Variants in ANKRD36 observed in about 807,000 individuals in gnomAD.
ANKRD36 encodes ankyrin repeat domain 36.
A neutral mutation model predicts 278.1 loss-of-function variants in ANKRD36; 179 were observed. That is an observed-to-expected ratio of 0.64 (90% confidence interval 0.57 to 0.73). ANKRD36 has a LOEUF of 0.73. Ranked by LOEUF, ANKRD36 falls within the 30% of genes least tolerant of loss-of-function variation. The pLI is 0.00. For missense variants in ANKRD36, 1,159 were observed against 1,956.7 expected (o/e 0.59, Z 7.69); for synonymous variants, 320 against 641.1 (o/e 0.50, Z 7.57).
intron 17 of ANKRD36, among the ~76,000 whole-genome samples, chr2:97,160,936 A>G (rs879106717): frequency 5.3e-5 from 8 of 152,196 alleles, no homozygotes; most frequent in Admixed American, 5.2e-4. Flanking sequence ...GTCTGCATAC[A>G]TTAAGAAAAT....
chr2:97,127,013 A>T, intron 5 of ANKRD36, 54 bp from the exon 6 acceptor site: 1 of 632,144 alleles, frequency 1.6e-6, no homozygotes, highest in Non-Finnish European at 2.6e-6. Context: ...TATATTTGGT[A>T]AATGTTTTTG....
At chr2:97,170,496 AC>A (rs1324957824) in intron 22 of ANKRD36, among the ~76,000 whole-genome samples, 4 of 152,078 alleles carry the variant, frequency 2.6e-5, no homozygotes, top group Admixed American at 2.6e-4. Context: ...AAAACTTTCT[AC>A]ATAGCCATAT....
intron 5 of ANKRD36, among the ~76,000 whole-genome samples, chr2:97,125,060 A>G (rs2038186741): frequency 6.6e-6 from 1 of 151,654 alleles, no homozygotes; most frequent in Admixed American, 6.6e-5. Context: ...CCTAAGTCCA[A>G]GGAAGACAAT....
intron 68 of ANKRD36, among the ~76,000 whole-genome samples, chr2:97,235,396 C>T (rs1406611354): frequency 6.8e-6 from 1 of 145,988 alleles, no homozygotes; most frequent in African/African-American, 2.6e-5. Flanking sequence ...TGTGGGAAAC[C>T]CAGTGTTTGA....
intron 54 of ANKRD36, among the ~76,000 whole-genome samples, chr2:97,208,912 A>G (rs1254830903): frequency 1.2e-4 from 18 of 146,742 alleles, no homozygotes; most frequent in Non-Finnish European, 2.2e-4. Context: ...TGATTTCTGA[A>G]TGAAAAGCTG....
chr2:97,240,912 A>G lies in ANKRD36; in HGVS notation c.4094-354A>G, dbSNP rs1344254408. ...CTCATCCTTCATTTCTCAGTGTAGC[A>G]TCTCTTCCTCAGGGAAATCTTCCCT... On this transcript the variant is annotated intron_variant, in intron 68 of 75. Coordinates refer to ENST00000420699, the MANE Select transcript of ANKRD36 (RefSeq NM_001354587.1). Among the ~76,000 whole-genome samples, 163 of 117,338 alleles carry G rather than the reference A, an allele frequency of 1.4e-3. No homozygotes were observed. The East Asian group carries it at 0.032, about 23-fold the overall frequency. 77.0% of individuals were successfully genotyped at this position (117,338 alleles called of 152,430 possible).
intron 3 of ANKRD36, among the ~76,000 whole-genome samples, 196 bp from the exon 4 acceptor site, chr2:97,122,691 G>T (rs1165877844): frequency 6.6e-6 from 1 of 151,014 alleles, no homozygotes. Flanking sequence ...AGTTCTTGTG[G>T]TGAGGCAGAG....
chr2:97,188,561 G>A (rs897409211), intron 32 of ANKRD36, among the ~76,000 whole-genome samples: 1 of 132,174 alleles, frequency 7.6e-6, no homozygotes, highest in East Asian at 2.0e-4. Flanking sequence ...TATCCAAGGT[G>A]ATCAATTTAG....
intron 6 of ANKRD36, among the ~76,000 whole-genome samples, chr2:97,128,559 G>T (rs920459008): frequency 6.6e-6 from 1 of 151,976 alleles, no homozygotes; most frequent in Non-Finnish European, 1.5e-5. Context: ...TGGTATGTCT[G>T]TTGTCCAAAT....
intron 14 of ANKRD36, among the ~76,000 whole-genome samples, chr2:97,154,139 A>G (rs1255490587): frequency 6.8e-6 from 1 of 146,362 alleles, no homozygotes; most frequent in Non-Finnish European, 1.5e-5. Flanking sequence ...TCTAGGGTGA[A>G]GAGAATCAAT....
chr2:97,130,353 A>G (rs917276560), intron 6 of ANKRD36, among the ~76,000 whole-genome samples: 5 of 149,998 alleles, frequency 3.3e-5, no homozygotes, highest in African/African-American at 1.2e-4. Context: ...AGGACAAAAA[A>G]CCAAACACTG....
intron 24 of ANKRD36, among the ~76,000 whole-genome samples, 155 bp from the exon 25 acceptor site, chr2:97,181,443 C>A (rs2056169433): frequency 6.6e-6 from 1 of 151,246 alleles, no homozygotes; most frequent in Non-Finnish European, 1.5e-5. Flanking sequence ...CAGTGTATTT[C>A]TGTCATGTTC....
At chr2:97,206,947 A>T (rs1301026786) in intron 52 of ANKRD36, among the ~76,000 whole-genome samples, 1 of 151,404 alleles carries the variant, frequency 6.6e-6, no homozygotes, top group East Asian at 1.9e-4. Context: ...ACAACATGAT[A>T]CTCCCAAGAA....
At chr2:97,130,887 T>C (rs1574659195) in intron 6 of ANKRD36, among the ~76,000 whole-genome samples, 1 of 152,144 alleles carries the variant, frequency 6.6e-6, no homozygotes, top group East Asian at 1.9e-4. Flanking sequence ...TTCTAAAGTA[T>C]ATCTGGTATT....
At chr2:97,177,133 A>C (rs913602511) in intron 22 of ANKRD36, among the ~76,000 whole-genome samples, 1 of 151,360 alleles carries the variant, frequency 6.6e-6, no homozygotes, top group African/African-American at 2.4e-5. Context: ...ATGTGAAGGA[A>C]CTCTTCAAGG....
chr2:97,133,609 G>A (rs2040722469), intron 6 of ANKRD36, among the ~76,000 whole-genome samples: 1 of 151,734 alleles, frequency 6.6e-6, no homozygotes, highest in African/African-American at 2.4e-5. Context: ...ATACAGTTAA[G>A]TTATTTGCTT....
In ANKRD36 at chr2:97,129,081, C is replaced by T. The variant is rs1335632880; in HGVS notation, c.799+1947C>T. On this transcript the variant is annotated intron_variant, in intron 6 of 75. Transcript: ENST00000420699. ...ACAATGGTTGAACTAGTTTACAGTC[C>T]CACCAACAGTGTAAAAGTGTTCCTA... 2.0e-5 allele frequency among the ~76,000 whole-genome samples: 3 copies of T among 152,000 alleles called. No homozygotes were observed. In the East Asian group the frequency reaches 5.8e-4, roughly 29 times the overall value.
intron 52 of ANKRD36, 67 bp from the exon 53 acceptor site, chr2:97,207,744 G>A (rs1374050240): frequency 4.3e-5 from 66 of 1,541,134 alleles, no homozygotes; most frequent in Non-Finnish European, 5.2e-5. Flanking sequence ...TGCTAACACT[G>A]TATGAATGTA....
intron 67 of ANKRD36, among the ~76,000 whole-genome samples, chr2:97,231,335 A>G (rs983722175): frequency 6.6e-6 from 1 of 152,156 alleles, no homozygotes. Flanking sequence ...AGCCTGGGCA[A>G]TGGCAGGTGC....
Sources: gnomAD v4.1 joint callset for allele counts (sites outside exome capture counted in the v4.1 genomes callset) on GRCh38, gnomAD v4.1.1 for gene constraint, MANE v1.5 for transcripts, NCBI Gene and HGNC (gene_info 2026-07-23, HGNC 2026-07-21) for gene names.